CMSS1: variants seen among roughly 807,000 people sequenced by gnomAD.
The protein encoded by CMSS1 is protein CMSS1.
CMSS1 carries 33 observed loss-of-function variants against 43.5 expected under a neutral mutation model. That is an observed-to-expected ratio of 0.76 (90% CI 0.57 to 1.01). The LOEUF (loss-of-function observed/expected upper bound fraction) is 1.01. CMSS1 is among the 50% of genes least tolerant of loss of function. The pLI is 0.00. For missense variants in CMSS1, 313 were observed against 326.4 expected, an observed-to-expected ratio of 0.96 and a Z score of 0.32; for synonymous variants, 115 against 117.2, an observed-to-expected ratio of 0.98 and a Z score of 0.12.
chr3:100,160,585 A>G (rs2067015236), intron 3 of CMSS1, 84 bp downstream of exon 3: 20 of 682,202 alleles, frequency 2.9e-5, no homozygotes, highest in South Asian at 2.2e-4. Context: ...TGAGGCAACT[A>G]TTGTAATCCC....
At chr3:100,059,541 A>C (rs140166778) in intron 1 of CMSS1, among the ~76,000 whole-genome samples, 48 of 152,274 alleles carry the variant, frequency 3.2e-4, no homozygotes, top group African/African-American at 1.2e-3. Flanking sequence ...CAAAGTTTCT[A>C]TCCTCCAAGG....
At chr3:100,068,198 G>A (rs2065698964) in intron 1 of CMSS1, among the ~76,000 whole-genome samples, 1 of 152,186 alleles carries the variant, frequency 6.6e-6, no homozygotes, top group Non-Finnish European at 1.5e-5. Flanking sequence ...TTTTTTAATG[G>A]TGATTCCTGG....
At chr3:100,152,203 C>CTT (rs80126820) in intron 2 of CMSS1, among the ~76,000 whole-genome samples, 3 of 143,576 alleles carry the variant, frequency 2.1e-5, no homozygotes, top group Non-Finnish European at 3.1e-5. Flanking sequence ...TATCCTTCTT[C>CTT]TTTTTTTTTT....
intron 1 of CMSS1, chr3:99,898,138 G>A (rs1407435285): frequency 6.6e-6 from 1 of 152,054 alleles, no homozygotes; most frequent in Non-Finnish European, 1.5e-5. Context: ...TGGTTTAAAT[G>A]TAGCTTATTT....
chr3:100,022,805 A>T (rs1168459355), intron 1 of CMSS1, among the ~76,000 whole-genome samples: 2 of 152,202 alleles, frequency 1.3e-5, no homozygotes, highest in African/African-American at 4.8e-5. Context: ...ACATCAGTGC[A>T]TGGGCCTCAA....
chr3:99,863,948 T>C (rs1427660778), intron 1 of CMSS1, among the ~76,000 whole-genome samples: 1 of 152,344 alleles, frequency 6.6e-6, no homozygotes, highest in East Asian at 1.9e-4. Flanking sequence ...GATCTTTCCA[T>C]TGGATCAGTG....
chr3:99,850,958 A>G (rs769550074), intron 1 of CMSS1: 1 of 1,613,962 alleles, frequency 6.2e-7, no homozygotes, highest in South Asian at 1.1e-5. Flanking sequence ...ACCACCATCA[A>G]AGCAAAAGAC....
chr3:99,822,855 T>TA (rs1378524155), intron 1 of CMSS1, among the ~76,000 whole-genome samples: 1 of 152,248 alleles, frequency 6.6e-6, no homozygotes, highest in Non-Finnish European at 1.5e-5. Context: ...TCTTCCCAAG[T>TA]ACACCAGCGG....
chr3:99,965,245 C>T (rs1708614054), intron 1 of CMSS1, among the ~76,000 whole-genome samples: 1 of 152,132 alleles, frequency 6.6e-6, no homozygotes, highest in African/African-American at 2.4e-5. Flanking sequence ...TCCTTTGAGT[C>T]CAAGTGGTTT....
chr3:100,089,185 A>G (rs560611650), intron 1 of CMSS1, among the ~76,000 whole-genome samples: 3 of 152,270 alleles, frequency 2.0e-5, no homozygotes, highest in Middle Eastern at 3.4e-3. Context: ...ATACATTCCA[A>G]CGTCTAGCTC....
intron 1 of CMSS1, among the ~76,000 whole-genome samples, chr3:99,903,776 TG>T (rs1185858575): frequency 1.3e-5 from 2 of 152,184 alleles, no homozygotes; most frequent in Admixed American, 6.5e-5. Context: ...CCCAAAAAAG[TG>T]TGTCTTTTTT....
At chr3:100,136,725 G>A (rs1001313053) in intron 1 of CMSS1, among the ~76,000 whole-genome samples, 2 of 152,230 alleles carry the variant, frequency 1.3e-5, no homozygotes, top group African/African-American at 2.4e-5. Context: ...CAAGGATAAA[G>A]TGAGAACAGG....
At chr3:100,095,095 T>C (rs2066181682) in intron 1 of CMSS1, among the ~76,000 whole-genome samples, 1 of 152,198 alleles carries the variant, frequency 6.6e-6, no homozygotes, top group Non-Finnish European at 1.5e-5. Context: ...CATTGATCTA[T>C]GTGACTATCC....
At chr3:99,899,815 G>T (rs763418342) in intron 1 of CMSS1, among the ~76,000 whole-genome samples, 12 of 152,100 alleles carry the variant, frequency 7.9e-5, no homozygotes, top group Admixed American at 2.0e-4. Context: ...CTGTGCCACC[G>T]TTTTCTCATC....
At chr3:100,000,002 GA>G (rs1709796379) in intron 1 of CMSS1, among the ~76,000 whole-genome samples, 2 of 151,610 alleles carry the variant, frequency 1.3e-5, no homozygotes, top group African/African-American at 4.8e-5. Context: ...AAAAAGAAAA[GA>G]AATACCAGAC....
intron 1 of CMSS1, among the ~76,000 whole-genome samples, chr3:99,871,218 G>A (rs1944769318): frequency 6.6e-6 from 1 of 152,106 alleles, no homozygotes; most frequent in Non-Finnish European, 1.5e-5. Context: ...ACTTCCATAT[G>A]GTTGCTTTAA....
At position 99,920,133 on chromosome 3, in the gene CMSS1, A is replaced by G. The variant is rs1354682468; in HGVS notation, c.64+102090A>G. On this transcript the variant is annotated intron_variant, in intron 1 of 9. Coordinates refer to ENST00000421999, the MANE Select transcript of CMSS1 (RefSeq NM_032359.4). ...AGCCACAGTTTTATACAGAGCTGCC[A>G]TAACAATATTTCTTTCCTGCTTTAG... 3.3e-5 allele frequency among the ~76,000 whole-genome samples: 5 copies of G among 152,224 alleles called. No homozygotes were observed. In the East Asian group the frequency reaches 5.8e-4, roughly 18 times the overall value.
chr3:100,025,995 C>T (rs1051544980), intron 1 of CMSS1, among the ~76,000 whole-genome samples: 7 of 152,092 alleles, frequency 4.6e-5, no homozygotes, highest in African/African-American at 1.7e-4. Context: ...TACCTTACCT[C>T]GCTCCCAGGC....
intron 1 of CMSS1, among the ~76,000 whole-genome samples, chr3:100,140,825 T>A (rs895272868): frequency 2.0e-5 from 3 of 151,990 alleles, no homozygotes; most frequent in Admixed American, 6.6e-5. Context: ...TTTTTTTAAT[T>A]GGATATGAAA....
Sources: gnomAD v4.1 joint callset for allele counts (sites outside exome capture counted in the v4.1 genomes callset) on GRCh38, gnomAD v4.1.1 for gene constraint, MANE v1.5 for transcripts, NCBI Gene and HGNC (gene_info 2026-07-23, HGNC 2026-07-21) for gene names.